PSMB2: variants seen among roughly 807,000 people sequenced by gnomAD.
PSMB2 encodes the protein proteasome 20S subunit beta 2, also known as proteasome subunit beta type-2.
Under a neutral mutation model 25.7 loss-of-function variants are expected in PSMB2, and 13 were observed. The observed-to-expected ratio is 0.51, with a 90% CI of 0.33 to 0.80. The LOEUF (loss-of-function observed/expected upper bound fraction) is 0.80. Among genes scored for constraint, PSMB2 ranks in the 30% least tolerant of loss-of-function variants. The probability of loss-of-function intolerance (pLI) is 0.02; values close to 1 mark genes in which losing one functional copy is unlikely to be tolerated. For synonymous variants in PSMB2, 87 were observed against 96.2 expected (o/e 0.90, Z 0.56); for missense variants, 202 against 259.0 (o/e 0.78, Z 1.51).
chr1:35,609,795 T>C (rs1206748305), intron 3 of PSMB2, among the ~76,000 whole-genome samples: 6 of 152,212 alleles, frequency 3.9e-5, no homozygotes, highest in Admixed American at 3.9e-4. Context: ...AATTGGGTTG[T>C]CTGTCACACA....
At chr1:35,604,784 T>C (rs962802800) in intron 5 of PSMB2, among the ~76,000 whole-genome samples, 1 of 151,912 alleles carries the variant, frequency 6.6e-6, no homozygotes, top group Non-Finnish European at 1.5e-5. Flanking sequence ...CCGTCTCAAA[T>C]AAAAAAATAA....
At chr1:35,610,649 C>T (rs1404171305) in intron 3 of PSMB2, among the ~76,000 whole-genome samples, 3 of 152,122 alleles carry the variant, frequency 2.0e-5, no homozygotes, top group Non-Finnish European at 4.4e-5. Context: ...GCGCCCTCCA[C>T]CACACCCGGC....
intron 3 of PSMB2, among the ~76,000 whole-genome samples, chr1:35,627,529 C>A (rs1471092294): frequency 2.6e-5 from 4 of 151,982 alleles, no homozygotes; most frequent in Admixed American, 6.6e-5. Flanking sequence ...CACCTACAGT[C>A]CCAGCTGCCA....
chr1:35,641,471 C>G lies in PSMB2; in HGVS notation c.-39G>C, dbSNP rs755678058. 3 of 1,613,150 alleles carry G rather than the reference C, an allele frequency of 1.9e-6. No individual in the cohort carries two copies. The highest frequency in any genetic ancestry group is 1.3e-5 in the African/African-American group (1 of 74,888). ...CAGGGGCTGCAGGTCCGACACAGCA[C>G]GAGACTCGCCCGCTTCCAGGTCTCA... is the stretch of plus-strand genomic sequence containing the variant. On this transcript the variant is annotated 5_prime_UTR_variant, in exon 1 of 6. Coordinates refer to ENST00000373237, the MANE Select transcript of PSMB2 (RefSeq NM_002794.5).
intron 3 of PSMB2, among the ~76,000 whole-genome samples, chr1:35,628,003 C>T (rs564699046): frequency 6.6e-6 from 1 of 152,322 alleles, no homozygotes; most frequent in Non-Finnish European, 1.5e-5. Flanking sequence ...AAATGAGTCA[C>T]ATCTGCCAAC....
intron 3 of PSMB2, 48 bp from the exon 4 acceptor site, chr1:35,609,456 C>T (rs1021530542): frequency 5.1e-6 from 7 of 1,362,220 alleles, no homozygotes; most frequent in Non-Finnish European, 6.8e-6. Context: ...AGAACACCAA[C>T]ATCTCTTCCC....
At chr1:35,624,602 A>C (rs982299787) in intron 3 of PSMB2, among the ~76,000 whole-genome samples, 2 of 151,814 alleles carry the variant, frequency 1.3e-5, no homozygotes, top group African/African-American at 4.8e-5. Context: ...AAAATACAAA[A>C]ATTAGCCAGG....
rs1649966215 is a variant in PSMB2, at chr1:35,600,677, A to C, written c.*2590T>G. 2 of 985,378 alleles carry C rather than the reference A, an allele frequency of 2.0e-6. No homozygotes were observed. Among genetic ancestry groups the C allele is most frequent in the East Asian group, 1.1e-4 (1 of 8,808 alleles). 61.0% of individuals were successfully genotyped at this position (985,378 alleles called of 1,614,324 possible). A position where few individuals can be genotyped will look rare whatever the true frequency, so the allele number is the denominator to read the frequency against. On this transcript the variant is annotated 3_prime_UTR_variant, in exon 6 of 6. Coordinates refer to ENST00000373237, the MANE Select transcript of PSMB2 (RefSeq NM_002794.5). ...TGTCCCTAAATCTGGAGGGTGAGCT[A>C]TCTAGGAATGAGTTGATTTGGAGCT...
Position 35,636,482 on chromosome 1 carries a change from C to A in PSMB2, c.92-50G>T, listed in dbSNP as rs375215296. The A allele has an allele frequency of 1.1e-5, 18 of 1,586,770 alleles. No homozygotes were observed. The African/African-American group carries it at 1.6e-4, about 14-fold the overall frequency. On this transcript the variant is annotated intron_variant, in intron 1 of 5. Transcript: ENST00000373237. ...AGAAACTGCCTTAACAGACATTGAC[C>A]GTCATTATTTATGTAACCATAAACA...
intron 3 of PSMB2, among the ~76,000 whole-genome samples, chr1:35,628,596 A>AAAAAAAAAAATATATAT (rs59538661): frequency 8.0e-5 from 2 of 25,098 alleles, no homozygotes; most frequent in Non-Finnish European, 1.5e-4. Flanking sequence ...AAAAAAAAAA[A>AAAAAAAAAAATATATAT]ATATATATAT....
intron 2 of PSMB2, among the ~76,000 whole-genome samples, chr1:35,636,077 T>A (rs187801455): frequency 3.3e-5 from 5 of 152,002 alleles, no homozygotes; most frequent in Non-Finnish European, 5.9e-5. Context: ...AAGAGAAAAT[T>A]TGGATATAGT....
At chr1:35,638,747 A>T (rs1411222172) in intron 1 of PSMB2, among the ~76,000 whole-genome samples, 1 of 152,226 alleles carries the variant, frequency 6.6e-6, no homozygotes, top group East Asian at 1.9e-4. Context: ...CATATAAGCA[A>T]ACCAAAAGTT....
At chr1:35,638,670 C>G (rs535673848) in intron 1 of PSMB2, among the ~76,000 whole-genome samples, 67 of 152,212 alleles carry the variant, frequency 4.4e-4, no homozygotes, top group African/African-American at 1.5e-3. Flanking sequence ...TCTGTGTGGG[C>G]TGGAGTACTC....
At chr1:35,604,519 C>A (rs982886279) in intron 5 of PSMB2, among the ~76,000 whole-genome samples, 1 of 152,160 alleles carries the variant, frequency 6.6e-6, no homozygotes, top group African/African-American at 2.4e-5. Context: ...GTGGCTCATG[C>A]CTGTAATCCC....
At chr1:35,622,734 G>A (rs2148570948) in intron 3 of PSMB2, among the ~76,000 whole-genome samples, 1 of 150,484 alleles carries the variant, frequency 6.6e-6, no homozygotes, top group African/African-American at 2.5e-5. Context: ...CCCCTGGAGA[G>A]AGACAGGGAA....
Position 35,601,487 on chromosome 1 carries a change from C to G in PSMB2, c.*1780G>C. ...TTGAATCAACTGTAGTGACGTGAAT[C>G]ATCTCTTTTCTCCCATTTACTCAAT... On this transcript the variant is annotated 3_prime_UTR_variant, in exon 6 of 6. Coordinates refer to ENST00000373237, the MANE Select transcript of PSMB2 (RefSeq NM_002794.5). 1.0e-6 allele frequency: 1 copy of G among 985,344 alleles called. No individual in the cohort carries two copies. The highest frequency in any genetic ancestry group is 1.2e-6 in the Non-Finnish European group (1 of 829,900). 61.0% of individuals were successfully genotyped at this position (985,344 alleles called of 1,614,324 possible).
intron 3 of PSMB2, among the ~76,000 whole-genome samples, chr1:35,624,939 T>C (rs1650808424): frequency 6.6e-6 from 1 of 151,986 alleles, no homozygotes; most frequent in Admixed American, 6.6e-5. Flanking sequence ...TGCACGCCTG[T>C]AGTCCCAGCT....
intron 2 of PSMB2, among the ~76,000 whole-genome samples, chr1:35,635,518 C>T (rs1352606714): frequency 6.6e-6 from 1 of 151,780 alleles, no homozygotes; most frequent in African/African-American, 2.4e-5. Context: ...TAGACAACTT[C>T]TTAAACACAG....
Position 35,641,396 on chromosome 1 carries a change from C to T in PSMB2, c.37G>A (p.Val13Ile). 1 of 1,614,138 alleles carries T rather than the reference C, an allele frequency of 6.2e-7. No homozygotes were observed. The highest frequency in any genetic ancestry group is 8.5e-7 in the Non-Finnish European group (1 of 1,180,016). Residue 13 changes from valine to isoleucine, a missense_variant, in exon 1 of 6, where the codon GTT becomes ATT. Val to Ile is a conservative substitution (Grantham distance 29, BLOSUM62 3). Transcript: ENST00000373237. ...YLIGIQGPDY[V>I]LVASDRVAAS... is the part of the protein sequence containing the mutation. ...GCCACCCGGTCGGAGGCGACAAGAACATAGTCGGGGCCTTGGATACCGATG... is the reference window on the plus strand; with the variant it reads ...GCCACCCGGTCGGAGGCGACAAGAATATAGTCGGGGCCTTGGATACCGATG...
Sources: allele counts gnomAD v4.1 joint callset (sites outside exome capture counted in the v4.1 genomes callset), GRCh38; gene constraint gnomAD v4.1.1; transcripts MANE v1.5; gene names NCBI Gene and HGNC (gene_info 2026-07-23, HGNC 2026-07-21).